Variants in TRAF5 observed in about 807,000 individuals in gnomAD.
The protein encoded by TRAF5 is TNF receptor associated factor 5.
TRAF5 carries 48 observed loss-of-function variants against 64.5 expected under a neutral mutation model. The ratio of observed to expected loss-of-function variants is 0.74; its 90% CI spans 0.59 to 0.95. The LOEUF is 0.95. Among genes scored for constraint, TRAF5 ranks in the 40% least tolerant of loss-of-function variants. The pLI, the probability that TRAF5 is intolerant of heterozygous loss-of-function variation, is 0.00. For missense variants in TRAF5, 545 were observed against 662.8 expected, an observed-to-expected ratio of 0.82 and a Z score of 1.95; for synonymous variants, 206 against 240.5, an observed-to-expected ratio of 0.86 and a Z score of 1.33.
At chr1:211,364,550 G>A (rs778852740) in intron 7 of TRAF5, among the ~76,000 whole-genome samples, 1 of 152,110 alleles carries the variant, frequency 6.6e-6, no homozygotes, top group Non-Finnish European at 1.5e-5. Flanking sequence ...GCCAGGCATG[G>A]TGGCATGTGC....
At chr1:211,365,175 AAAAACAAAC>A (rs1248746177) in intron 7 of TRAF5, among the ~76,000 whole-genome samples, 192 bp from the exon 8 acceptor site, 5 of 152,098 alleles carry the variant, frequency 3.3e-5, no homozygotes, top group Non-Finnish European at 7.4e-5. Context: ...GTCTCAAAAA[AAAAACAAAC>A]AAAAACAAAC....
chr1:211,356,569 A>C, intron 4 of TRAF5, 101 bp downstream of exon 4: 1 of 1,005,812 alleles, frequency 9.9e-7, no homozygotes, highest in African/African-American at 1.6e-5. Context: ...TGGTACAGGG[A>C]TTCAGTGAAT....
intron 3 of TRAF5, 48 bp downstream of exon 3, chr1:211,354,515 A>G: frequency 6.3e-7 from 1 of 1,587,248 alleles, no homozygotes; most frequent in Non-Finnish European, 8.6e-7. Flanking sequence ...GTGATGGAGA[A>G]GAAGTCAGTG....
Position 211,372,408 on chromosome 1 carries a change from C to T in TRAF5, c.1380C>T (p.Ser460=). The change falls in exon 11 of 11, where the codon TCC becomes TCT. Residue 460 remains serine (S), a synonymous_variant. Transcript: ENST00000261464. ...GGTCAGGGAGGGGGTCACACCTGTC[C>T]CTATACTTTGTGGTCATGCGAGGAG... ...GDGSGRGSHL[S]LYFVVMRGEF... The T allele has an allele frequency of 6.2e-7, 1 of 1,614,086 alleles. No individual in the cohort carries two copies. The highest frequency in any genetic ancestry group is 1.1e-5 in the South Asian group (1 of 91,078).
intron 8 of TRAF5, 73 bp from the exon 9 acceptor site, chr1:211,369,379 T>C (rs1027250455): frequency 4.1e-5 from 52 of 1,271,910 alleles, no homozygotes; most frequent in Middle Eastern, 4.0e-4. Flanking sequence ...TAGCTGCAAG[T>C]GCATGCATAT....
At chr1:211,342,855 A>G (rs1291238053) in intron 1 of TRAF5, among the ~76,000 whole-genome samples, 1 of 152,214 alleles carries the variant, frequency 6.6e-6, no homozygotes, top group Non-Finnish European at 1.5e-5. Context: ...ATGACTGAAT[A>G]TTGTGTATAG....
upstream of TRAF5, chr1:211,326,693 G>A (rs1702017685): frequency 4.1e-6 from 4 of 986,086 alleles, no homozygotes; most frequent in Non-Finnish European, 4.8e-6. The surrounding 1 kb of genome is among the most constrained non-coding windows in gnomAD (Gnocchi z 5.0). Context: ...CTTTCCAACC[G>A]CCTGGATGAC....
intron 1 of TRAF5, chr1:211,346,273 A>G: frequency 4.0e-6 from 3 of 754,336 alleles, no homozygotes; most frequent in Non-Finnish European, 4.8e-6. Flanking sequence ...GTAATTGATC[A>G]TTTTTGTGCC....
intron 2 of TRAF5, among the ~76,000 whole-genome samples, chr1:211,353,810 G>C (rs1702872588): frequency 6.6e-6 from 1 of 152,222 alleles, no homozygotes; most frequent in Non-Finnish European, 1.5e-5. Context: ...AGGCAGAGGT[G>C]CTGTGGCACC....
At chr1:211,360,860 C>G in intron 6 of TRAF5, 81 bp downstream of exon 6, 1 of 1,354,688 alleles carries the variant, frequency 7.4e-7, no homozygotes, top group Non-Finnish European at 1.0e-6. Flanking sequence ...TGATACAGTC[C>G]CAAAGATAAG....
chr1:211,346,461 GCCCTT>G (rs1160632680), intron 1 of TRAF5: 88 of 984,152 alleles, frequency 8.9e-5, no homozygotes, highest in Non-Finnish European at 1.0e-4. Context: ...CTGGTCCTGT[GCCCTT>G]TTCACTCTGG....
At chr1:211,344,539 G>A (rs1200343571) in intron 1 of TRAF5, among the ~76,000 whole-genome samples, 3 of 152,188 alleles carry the variant, frequency 2.0e-5, no homozygotes, top group East Asian at 1.9e-4. Context: ...GCCACATTAG[G>A]TGTAATGGAA....
chr1:211,352,772 G>A (rs1702833353), intron 1 of TRAF5, among the ~76,000 whole-genome samples: 1 of 152,162 alleles, frequency 6.6e-6, no homozygotes, highest in Admixed American at 6.5e-5. Context: ...TTCAATGTCT[G>A]GTAAACGCTT....
Position 211,372,322 on chromosome 1 carries a change from TC to T in TRAF5, c.1296del (p.Phe433SerfsTer16). The T allele has an allele frequency of 1.2e-6, 2 of 1,614,108 alleles. No individual in the cohort carries two copies. Among genetic ancestry groups the T allele is most frequent in the Non-Finnish European group, 1.7e-6 (2 of 1,180,008 alleles). ...DGHTVSIFSQ[S>X]FYTSRCGYRL... ...GCACACAGTGTCCATCTTCAGCCAG[TC>T]CTTCTACACCAGCCGCTGTGGCTAC... On this transcript the variant is annotated frameshift_variant, in exon 11 of 11. Coordinates refer to ENST00000261464, the MANE Select transcript of TRAF5 (RefSeq NM_001033910.3). LOFTEE classifies it high-confidence loss of function.
intron 4 of TRAF5, 31 bp from the exon 5 acceptor site, chr1:211,359,881 G>A (rs776676045): frequency 5.7e-5 from 92 of 1,612,784 alleles, no homozygotes; most frequent in Non-Finnish European, 6.8e-5. Flanking sequence ...CTGGTCAGCA[G>A]GTCCCACTGG....
Position 211,360,036 on chromosome 1 carries a change from G to T in TRAF5, c.503G>T (p.Cys168Phe). The T allele has an allele frequency of 6.2e-7, 1 of 1,614,138 alleles. No homozygotes were observed. ...TCCTGTCAGTTTCGAAAGGAAAAAT[G>T]CCTTTATTGCAAAAAGGATGTGGTA... ...SASCQFRKEK[C>F]LYCKKDVVVI... Residue 168 changes from cysteine (C) to phenylalanine (F), a missense_variant, in exon 5 of 11, where the codon TGC becomes TTC. By Grantham distance (205) the Cys-to-Phe change is radical. Transcript: ENST00000261464.
Position 211,353,341 on chromosome 1 carries a change from G to A in TRAF5, c.102G>A (p.Gln34=), listed in dbSNP as rs1172637931. Residue 34 remains glutamine (Q), a synonymous_variant, in exon 2 of 11, where the codon CAG becomes CAA. Transcript: ENST00000261464. The part of the protein sequence containing the change: ...SLDFEPSIEY[Q]FVERLEERYK... ...ACTTTGAGCCCAGTATAGAGTACCA[G>A]TTTGTGGAGCGGTTGGAAGAGCGCT... 1 of 1,614,100 alleles carries A rather than the reference G, an allele frequency of 6.2e-7. No homozygotes were observed. Among genetic ancestry groups the A allele is most frequent in the African/African-American group, 1.3e-5 (1 of 74,940 alleles).
At chr1:211,370,177 T>C (rs1355111175) in intron 9 of TRAF5, among the ~76,000 whole-genome samples, 6 of 152,138 alleles carry the variant, frequency 3.9e-5, no homozygotes, top group Non-Finnish European at 8.8e-5. Context: ...CACTAAAATA[T>C]AGCAAAAATA....
In TRAF5 at chr1:211,372,757, C is replaced by T; in HGVS notation, c.*55C>T. The T allele has an allele frequency of 2.1e-6, 3 of 1,461,980 alleles. No individual in the cohort carries two copies. Among genetic ancestry groups the T allele is most frequent in the Non-Finnish European group, 2.8e-6 (3 of 1,059,476 alleles). The allele number at this position is 1,461,980 out of a possible 1,614,324, so 90.6% of individuals were successfully genotyped here. A position where few individuals can be genotyped will look rare whatever the true frequency, so the allele number is the denominator to read the frequency against. On this transcript the variant is annotated 3_prime_UTR_variant, in exon 11 of 11. Coordinates refer to ENST00000261464, the MANE Select transcript of TRAF5 (RefSeq NM_001033910.3). ...TTGGGGCCAGAACTGTGGAGGAGAG[C>T]ACATTTGATTATCATATTGACCTGG...
Sources: allele counts gnomAD v4.1 joint callset (sites outside exome capture counted in the v4.1 genomes callset), GRCh38; gene constraint gnomAD v4.1.1; non-coding constraint Gnocchi (gnomAD v3.1); transcripts MANE v1.5; gene names NCBI Gene and HGNC (gene_info 2026-07-23, HGNC 2026-07-21).